Variants in RALYL observed in about 807,000 individuals in gnomAD.
RALYL encodes RALY RNA binding protein like, also known as RNA-binding Raly-like protein.
In RALYL, 29 loss-of-function variants were observed where a neutral mutation model predicts 35.1. The observed-to-expected ratio is 0.83, with a 90% CI of 0.61 to 1.13. The LOEUF (loss-of-function observed/expected upper bound fraction) is 1.13. Among genes scored for constraint, RALYL ranks in the 50% most tolerant of loss-of-function variants. RALYL has a pLI of 0.00. For synonymous variants in RALYL, 120 were observed against 127.6 expected (o/e 0.94, Z 0.40); for missense variants, 359 against 360.4 (o/e 1.00, Z 0.03).
At chr8:84,619,352 CTTCT>C (rs1820691223) in intron 2 of RALYL, among the ~76,000 whole-genome samples, 1 of 151,004 alleles carries the variant, frequency 6.6e-6, no homozygotes, top group Non-Finnish European at 1.5e-5. Flanking sequence ...ATGTAATGGC[CTTCT>C]TTGTCTCTTT....
chr8:84,464,135 TTTTTTTG>T (rs1006746441), intron 1 of RALYL, among the ~76,000 whole-genome samples: 2 of 124,846 alleles, frequency 1.6e-5, no homozygotes, highest in African/African-American at 6.0e-5. Context: ...AAACAAGTTT[TTTTTTTG>T]TTTTTTTTTT....
chr8:84,574,951 T>C (rs1808963425), intron 2 of RALYL, among the ~76,000 whole-genome samples: 1 of 152,182 alleles, frequency 6.6e-6, no homozygotes, highest in Non-Finnish European at 1.5e-5. Context: ...TAAAAGTTTC[T>C]GGAATCCACA....
At chr8:84,732,683 TACAC>T (rs1554553642) in intron 2 of RALYL, among the ~76,000 whole-genome samples, 10 of 133,206 alleles carry the variant, frequency 7.5e-5, no homozygotes, top group African/African-American at 9.1e-5. Context: ...TATATATATA[TACAC>T]ACACACACAC....
In RALYL at chr8:84,838,987, G is replaced by A. The variant is rs188697310; in HGVS notation, c.366-10993G>A. On this transcript the variant is annotated intron_variant, in intron 4 of 8. Coordinates refer to ENST00000521268, the MANE Select transcript of RALYL (RefSeq NM_173848.7). ...TATAAAAACAATTTGGGGGCGGCAGGTGGGGCCAAGATGGCCAAATAGGAA... is the reference window on the plus strand; with the variant it reads ...TATAAAAACAATTTGGGGGCGGCAGATGGGGCCAAGATGGCCAAATAGGAA... Among the ~76,000 whole-genome samples, 3 of 152,280 alleles carry A rather than the reference G, an allele frequency of 2.0e-5. No individual in the cohort carries two copies. In the East Asian group the frequency reaches 5.8e-4, roughly 29 times the overall value.
In RALYL at chr8:84,915,260, T is replaced by C. The variant is rs186479429; in HGVS notation, c.859-5634T>C. On this transcript the variant is annotated intron_variant, in intron 8 of 8. Transcript: ENST00000521268. ...GACTGCATAGTCTATCTGGAGGGAA[T>C]TAAGGGAGCCTTAGCTAGGTAACTC... Among the ~76,000 whole-genome samples, 70 of 152,156 alleles carry C rather than the reference T, an allele frequency of 4.6e-4. 1 individual carries two copies. Among genetic ancestry groups the C allele is most frequent in the Non-Finnish European group, 1.2e-4 (8 of 67,976 alleles).
intron 2 of RALYL, among the ~76,000 whole-genome samples, chr8:84,631,759 C>T (rs1823955376): frequency 6.6e-6 from 1 of 151,852 alleles, no homozygotes; most frequent in Non-Finnish European, 1.5e-5. Context: ...CTCCAACATC[C>T]TTCTTTTTGA....
At chr8:84,440,919 T>A (rs783788) in intron 1 of RALYL, among the ~76,000 whole-genome samples, 1 of 151,684 alleles carries the variant, frequency 6.6e-6, no homozygotes, top group South Asian at 2.1e-4. Context: ...GTTAAGTGTA[T>A]GTTTAATAAT....
intron 1 of RALYL, among the ~76,000 whole-genome samples, chr8:84,521,345 T>A (rs1366615270): frequency 6.6e-6 from 1 of 152,260 alleles, no homozygotes. Context: ...AATAAATTTC[T>A]GTTATTTAAG....
intron 2 of RALYL, among the ~76,000 whole-genome samples, chr8:84,719,610 G>A (rs1046830918): frequency 6.6e-6 from 1 of 152,116 alleles, no homozygotes; most frequent in African/African-American, 2.4e-5. Flanking sequence ...TAATTATTAA[G>A]CAATGATACT....
intron 1 of RALYL, among the ~76,000 whole-genome samples, chr8:84,261,117 T>TTA (rs1554593088): frequency 1.2e-4 from 18 of 151,844 alleles, no homozygotes; most frequent in African/African-American, 3.1e-4. Flanking sequence ...GTTTTTTTTT[T>TTA]TATAATTTAC....
chr8:84,887,475 T>C, intron 7 of RALYL, 129 bp from the exon 8 acceptor site: 1 of 651,902 alleles, frequency 1.5e-6, no homozygotes, highest in Non-Finnish European at 2.4e-6. Flanking sequence ...AAGCATAATA[T>C]TACCTTACCT....
chr8:84,217,550 T>C (rs993077476), intron 1 of RALYL, among the ~76,000 whole-genome samples: 2 of 152,080 alleles, frequency 1.3e-5, no homozygotes. Context: ...GACACTATAG[T>C]GTTACACAGA....
chr8:84,707,857 C>T (rs533140345), intron 2 of RALYL, among the ~76,000 whole-genome samples: 13 of 152,112 alleles, frequency 8.5e-5, no homozygotes, highest in East Asian at 1.9e-4. Flanking sequence ...CATTCCAATG[C>T]GTAAACAGAA....
chr8:84,877,370 C>T lies in RALYL; in HGVS notation c.685+3973C>T, dbSNP rs557045259. Among the ~76,000 whole-genome samples, 23 of 152,084 alleles carry T rather than the reference C, an allele frequency of 1.5e-4. No individual in the cohort carries two copies. In the East Asian group the frequency reaches 4.3e-3, roughly 28 times the overall value. ...GATGTGGTGGCACATGCCTGTAATC[C>T]CAGCTACTCAGGAGTCTGAGGCAGG... On this transcript the variant is annotated intron_variant, in intron 7 of 8. Transcript: ENST00000521268.
At chr8:84,651,784 G>A (rs1029349333) in intron 2 of RALYL, among the ~76,000 whole-genome samples, 2 of 152,000 alleles carry the variant, frequency 1.3e-5, no homozygotes, top group East Asian at 3.9e-4. Context: ...TAGATTTGGA[G>A]CAAAGTAGGT....
chr8:84,919,893 A>G (rs1849056807), intron 8 of RALYL, among the ~76,000 whole-genome samples: 1 of 152,104 alleles, frequency 6.6e-6, no homozygotes, highest in Admixed American at 6.6e-5. Flanking sequence ...TGAAAATTCA[A>G]TCATCACATT....
chr8:84,415,897 C>G (rs73304389), intron 1 of RALYL, among the ~76,000 whole-genome samples: 4,289 of 152,264 alleles, frequency 0.028, 199 homozygotes, highest in African/African-American at 0.097. Context: ...AAATCTCTAA[C>G]ACACTTGTCA....
intron 1 of RALYL, among the ~76,000 whole-genome samples, chr8:84,241,365 G>A (rs549170931): frequency 1.8e-4 from 27 of 152,206 alleles, no homozygotes; most frequent in African/African-American, 6.5e-4. Flanking sequence ...CCCTGGTTAC[G>A]TTCTCCATTA....
intron 4 of RALYL, among the ~76,000 whole-genome samples, chr8:84,822,365 A>G (rs1163191537): frequency 1.3e-5 from 2 of 152,158 alleles, no homozygotes. Flanking sequence ...ATTCATTCCT[A>G]ATTAATTTTC....
Sources: gnomAD v4.1 joint callset for allele counts (sites outside exome capture counted in the v4.1 genomes callset) on GRCh38, gnomAD v4.1.1 for gene constraint, MANE v1.5 for transcripts, NCBI Gene and HGNC (gene_info 2026-07-23, HGNC 2026-07-21) for gene names.